The following NCKAP5 variants were observed in gnomAD, a reference collection of about 807,000 sequenced individuals.
NCKAP5 encodes the protein NCK associated protein 5, also known as nck-associated protein 5.
Under a neutral mutation model 167.0 loss-of-function variants are expected in NCKAP5, and 92 were observed. The ratio of observed to expected loss-of-function variants is 0.55; its 90% CI spans 0.47 to 0.66. The LOEUF (loss-of-function observed/expected upper bound fraction) is 0.66, where lower values mean the gene tolerates loss of function less well. Among genes scored for constraint, NCKAP5 ranks in the 30% least tolerant of loss-of-function variants. The pLI is 0.00. For missense variants in NCKAP5, 2,378 were observed against 2,315.0 expected, an observed-to-expected ratio of 1.03 and a Z score of -0.56; for synonymous variants, 891 against 877.4, an observed-to-expected ratio of 1.02 and a Z score of -0.27.
At chr2:133,656,235 G>A in the NCKAP5 span, among the ~76,000 whole-genome samples, 1 of 151,104 alleles carries the variant, frequency 6.6e-6, no homozygotes, top group Non-Finnish European at 1.5e-5. Context: ...CAACCTCTCA[G>A]AGCCTAAAAT....
At chr2:133,140,887 C>T (rs1279144174) in intron 5 of NCKAP5, among the ~76,000 whole-genome samples, 1 of 151,522 alleles carries the variant, frequency 6.6e-6, no homozygotes, top group Non-Finnish European at 1.5e-5. Flanking sequence ...ATATTATTCC[C>T]TGTCTCTTCA....
intron 3 of NCKAP5, among the ~76,000 whole-genome samples, chr2:133,414,524 A>C (rs1199002934): frequency 1.3e-5 from 2 of 152,156 alleles, no homozygotes; most frequent in Non-Finnish European, 2.9e-5. Context: ...TGTTGCACCA[A>C]AAAAAAGCAA....
At chr2:132,871,776 T>C (rs2874174) in intron 9 of NCKAP5, among the ~76,000 whole-genome samples, 35,942 of 152,042 alleles carry the variant, frequency 0.24, 4,553 homozygotes, top group East Asian at 0.39. Flanking sequence ...TTATATTACC[T>C]AGAAGGACTC....
chr2:132,779,600 G>GA (rs57361647), intron 15 of NCKAP5, among the ~76,000 whole-genome samples: 8,009 of 91,152 alleles, frequency 0.088, 212 homozygotes, highest in African/African-American at 0.12. Context: ...ATGAGGGAAA[G>GA]AAAAAAAAAA....
chr2:133,344,382 T>C (rs577023898), intron 3 of NCKAP5, among the ~76,000 whole-genome samples: 10 of 138,238 alleles, frequency 7.2e-5, no homozygotes, highest in African/African-American at 2.8e-4. Flanking sequence ...CACTCCAGCC[T>C]GGGCGACAAA....
At chr2:133,661,019 A>G in the NCKAP5 span, among the ~76,000 whole-genome samples, 2 of 151,970 alleles carry the variant, frequency 1.3e-5, no homozygotes, top group Non-Finnish European at 2.9e-5. Flanking sequence ...TAATTAAAAG[A>G]TGTCTTTCCT....
intron 3 of NCKAP5, among the ~76,000 whole-genome samples, chr2:133,451,735 A>C (rs1467881686): frequency 6.6e-6 from 1 of 152,180 alleles, no homozygotes; most frequent in Non-Finnish European, 1.5e-5. Flanking sequence ...CAACCCCACA[A>C]TCTCAGAAAG....
chr2:133,137,134 A>T (rs2082816081), intron 5 of NCKAP5, among the ~76,000 whole-genome samples: 1 of 151,362 alleles, frequency 6.6e-6, no homozygotes, highest in East Asian at 1.9e-4. Context: ...TGTTTTGCAC[A>T]CATATTGCAA....
At chr2:133,093,418 T>C (rs2081251479) in intron 6 of NCKAP5, among the ~76,000 whole-genome samples, 1 of 152,222 alleles carries the variant, frequency 6.6e-6, no homozygotes, top group Admixed American at 6.5e-5. Context: ...CTGAATTTGT[T>C]CACATTACTA....
intron 4 of NCKAP5, among the ~76,000 whole-genome samples, chr2:133,227,072 G>C (rs1035165709): frequency 6.6e-6 from 1 of 152,132 alleles, no homozygotes; most frequent in African/African-American, 2.4e-5. Context: ...TAGAGGAAAT[G>C]GCAGTCACAT....
At chr2:133,404,319 G>C (rs1688287587) in intron 3 of NCKAP5, among the ~76,000 whole-genome samples, 1 of 152,162 alleles carries the variant, frequency 6.6e-6, no homozygotes, top group Non-Finnish European at 1.5e-5. Context: ...TGTTATAGTA[G>C]TCCCCCTTAT....
chr2:133,232,978 G>T (rs989462820), intron 4 of NCKAP5, among the ~76,000 whole-genome samples: 1 of 152,200 alleles, frequency 6.6e-6, no homozygotes. Context: ...CAGTGAACGA[G>T]ATAAGCACTT....
chr2:133,437,451 A>C (rs533088570), intron 3 of NCKAP5, among the ~76,000 whole-genome samples: 10 of 152,344 alleles, frequency 6.6e-5, no homozygotes, highest in Non-Finnish European at 1.3e-4. Flanking sequence ...TGGCGTAAAA[A>C]ACTGAACAAA....
intron 6 of NCKAP5, among the ~76,000 whole-genome samples, chr2:133,016,965 A>G (rs1230488144): frequency 6.6e-6 from 1 of 152,270 alleles, no homozygotes; most frequent in Middle Eastern, 3.2e-3. Context: ...TTTGCATTGA[A>G]TAATGGTAAA....
intron 3 of NCKAP5, among the ~76,000 whole-genome samples, chr2:133,414,343 G>C (rs1251307707): frequency 6.6e-6 from 1 of 152,100 alleles, no homozygotes; most frequent in African/African-American, 2.4e-5. Flanking sequence ...CGTTTTCTGA[G>C]GTTAAAACAT....
At chr2:132,685,387 G>C (rs1685799033) in intron 19 of NCKAP5, among the ~76,000 whole-genome samples, 1 of 152,174 alleles carries the variant, frequency 6.6e-6, no homozygotes, top group South Asian at 2.1e-4. Context: ...GTTTGTGTGT[G>C]ACCAGTGGCC....
chr2:133,484,172 C>T (rs906678879), intron 3 of NCKAP5, among the ~76,000 whole-genome samples: 2 of 152,124 alleles, frequency 1.3e-5, no homozygotes, highest in African/African-American at 4.8e-5. Context: ...ATCAGAACTG[C>T]ACCTCTAAGA....
intron 11 of NCKAP5, among the ~76,000 whole-genome samples, chr2:132,829,776 G>T (rs1687389575): frequency 6.6e-6 from 1 of 152,136 alleles, no homozygotes; most frequent in Non-Finnish European, 1.5e-5. Context: ...AGGTTCCCAG[G>T]TGATGCTGCT....
intron 6 of NCKAP5, among the ~76,000 whole-genome samples, chr2:133,064,259 G>C (rs2080111391): frequency 6.6e-6 from 1 of 152,238 alleles, no homozygotes; most frequent in Non-Finnish European, 1.5e-5. Context: ...TCAAGTTAGA[G>C]TGCAAAGCAC....
Sources: allele counts gnomAD v4.1 joint callset (sites outside exome capture counted in the v4.1 genomes callset), GRCh38; gene constraint gnomAD v4.1.1; transcripts MANE v1.5; gene names NCBI Gene and HGNC (gene_info 2026-07-23, HGNC 2026-07-21).